Variants in THADA observed in about 807,000 individuals in gnomAD.
The protein encoded by THADA is tRNA (32-2'-O)-methyltransferase regulator THADA.
A neutral mutation model predicts 219.8 loss-of-function variants in THADA; 213 were observed. The observed-to-expected ratio is 0.97, with a 90% CI of 0.87 to 1.09. The LOEUF (loss-of-function observed/expected upper bound fraction) is 1.09. Ranked by LOEUF, THADA falls within the 50% of genes least tolerant of loss-of-function variation. THADA has a pLI of 0.00. For synonymous variants in THADA, 1,018 were observed against 828.9 expected (o/e 1.23, Z -3.92); for missense variants, 2,956 against 2,311.3 (o/e 1.28, Z -5.72).
chr2:43,322,440 G>A (rs1350169520), intron 30 of THADA, among the ~76,000 whole-genome samples: 1 of 151,748 alleles, frequency 6.6e-6, no homozygotes, highest in Non-Finnish European at 1.5e-5. Flanking sequence ...GAAGGCAGAG[G>A]TTGCAGTGAG....
chr2:43,468,477 GA>G (rs1684530231), intron 26 of THADA, among the ~76,000 whole-genome samples: 1 of 152,096 alleles, frequency 6.6e-6, no homozygotes, highest in Non-Finnish European at 1.5e-5. Context: ...GGCCCTAAGA[GA>G]AAGTTCTCCA....
At chr2:43,335,283 G>C (rs1666281627) in intron 30 of THADA, among the ~76,000 whole-genome samples, 1 of 152,208 alleles carries the variant, frequency 6.6e-6, no homozygotes, top group Admixed American at 6.5e-5. Context: ...GATGGAGGCA[G>C]TGTGGTCAAG....
At chr2:43,311,125 G>A (rs1378146917) in intron 31 of THADA, among the ~76,000 whole-genome samples, 2 of 151,818 alleles carry the variant, frequency 1.3e-5, no homozygotes, top group Non-Finnish European at 2.9e-5. Context: ...GCAGTGAACC[G>A]AGATCGTGCC....
intron 19 of THADA, among the ~76,000 whole-genome samples, 157 bp downstream of exon 19, chr2:43,551,632 A>G (rs1696755145): frequency 7.0e-6 from 1 of 142,020 alleles, no homozygotes; most frequent in Non-Finnish European, 1.5e-5. Context: ...AGTTAAAACT[A>G]TTGCTAAAAG....
chr2:43,445,953 T>A (rs1415467409), intron 26 of THADA, among the ~76,000 whole-genome samples: 3 of 152,134 alleles, frequency 2.0e-5, no homozygotes, highest in Non-Finnish European at 4.4e-5. Context: ...AAGTGAAAGG[T>A]CTTGGTCCTG....
intron 22 of THADA, among the ~76,000 whole-genome samples, chr2:43,523,382 T>G (rs1692742854): frequency 6.6e-6 from 1 of 152,132 alleles, no homozygotes; most frequent in African/African-American, 2.4e-5. Flanking sequence ...TAAATTAAAT[T>G]AAAAATAAAG....
rs571185470 is a variant in THADA at position 43,338,210 on chromosome 2, G to T, written c.4343+5912C>A. Among the ~76,000 whole-genome samples the T allele has an allele frequency of 1.4e-4, 21 of 146,448 alleles. 1 individual carries two copies. The East Asian group carries it at 4.0e-3, about 28-fold the overall frequency. ...CTCCCTCTGTTGCCCAGGCTGGAGT[G>T]CAGTGGCACGATCTCGGCTCACTGC... On this transcript the variant is annotated intron_variant, in intron 30 of 37. Transcript: ENST00000405975.
intron 20 of THADA, among the ~76,000 whole-genome samples, chr2:43,545,635 T>C (rs999144512): frequency 6.6e-6 from 1 of 152,256 alleles, no homozygotes; most frequent in African/African-American, 2.4e-5. Context: ...TATCCATTTC[T>C]TCTAGATTTT....
chr2:43,355,593 T>G (rs1668788478), intron 29 of THADA, among the ~76,000 whole-genome samples: 1 of 152,200 alleles, frequency 6.6e-6, no homozygotes, highest in Admixed American at 6.5e-5. Flanking sequence ...ACGTCAAGGT[T>G]TCCCCTGTGT....
chr2:43,284,641 C>T (rs1270598646), intron 35 of THADA, among the ~76,000 whole-genome samples: 1 of 152,192 alleles, frequency 6.6e-6, no homozygotes, highest in Non-Finnish European at 1.5e-5. Flanking sequence ...GGGTTAGAGC[C>T]CTCACACAGA....
At chr2:43,380,697 C>T (rs545602562) in intron 29 of THADA, among the ~76,000 whole-genome samples, 3 of 152,270 alleles carry the variant, frequency 2.0e-5, no homozygotes, top group African/African-American at 4.8e-5. Flanking sequence ...ATCTTGGTTT[C>T]GAATACCATT....
chr2:43,345,250 G>C (rs957804434), intron 29 of THADA, among the ~76,000 whole-genome samples: 7 of 152,162 alleles, frequency 4.6e-5, no homozygotes, highest in East Asian at 1.9e-4. Flanking sequence ...AAATAATTGA[G>C]AGTTAGATAC....
At chr2:43,298,013 C>A (rs1445118156) in intron 31 of THADA, among the ~76,000 whole-genome samples, 5 of 113,560 alleles carry the variant, frequency 4.4e-5, no homozygotes, top group Admixed American at 7.9e-5. Context: ...GGGGGTCAGC[C>A]CCCCGGCCCG....
At chr2:43,371,145 T>C (rs1046110175) in intron 29 of THADA, among the ~76,000 whole-genome samples, 4 of 152,224 alleles carry the variant, frequency 2.6e-5, no homozygotes, top group Non-Finnish European at 5.9e-5. Flanking sequence ...TTTATATTTA[T>C]TCTATTTTTA....
chr2:43,365,059 G>A (rs1212575761), intron 29 of THADA, among the ~76,000 whole-genome samples: 1 of 151,396 alleles, frequency 6.6e-6, no homozygotes, highest in African/African-American at 2.4e-5. Flanking sequence ...CCGAGTAGCT[G>A]GGATTACAGG....
At chr2:43,296,054 G>C (rs1368914470) in intron 31 of THADA, among the ~76,000 whole-genome samples, 2 of 151,804 alleles carry the variant, frequency 1.3e-5, no homozygotes, top group African/African-American at 4.8e-5. Context: ...TGAGTAGCTG[G>C]GATTACAGGA....
intron 31 of THADA, among the ~76,000 whole-genome samples, chr2:43,315,442 C>T (rs1240914278): frequency 6.6e-6 from 1 of 152,084 alleles, no homozygotes; most frequent in Non-Finnish European, 1.5e-5. Context: ...AATGCATCTC[C>T]AGTTACATTC....
chr2:43,574,707 C>T lies in THADA; in HGVS notation c.1358G>A (p.Gly453Glu). Residue 453 changes from glycine (G) to glutamate (E), a missense_variant, in exon 11 of 38, where the codon GGA becomes GAA. Physicochemically the swap from Gly to Glu is moderately conservative, Grantham distance 98. Transcript: ENST00000405975. ...SLLRLEWHIK[G>E]KYTCLGCLVE... The stretch of plus-strand genomic sequence containing the variant: ...CAAACAACCAAGGCACGTGTACTTT[C>T]CTTTAATATGCCATTCCAATCGTAA... 6.2e-7 allele frequency: 1 copy of T among 1,614,038 alleles called. No individual in the cohort carries two copies. Among genetic ancestry groups the T allele is most frequent in the East Asian group, 2.2e-5 (1 of 44,890 alleles).
At chr2:43,312,718 T>A (rs1677648394) in intron 31 of THADA, among the ~76,000 whole-genome samples, 1 of 95,850 alleles carries the variant, frequency 1.0e-5, no homozygotes, top group Non-Finnish European at 2.2e-5. Flanking sequence ...ACAAAGCCTG[T>A]TTTTTTTTTT....
Sources: allele counts gnomAD v4.1 joint callset (sites outside exome capture counted in the v4.1 genomes callset), GRCh38; gene constraint gnomAD v4.1.1; transcripts MANE v1.5; gene names NCBI Gene and HGNC (gene_info 2026-07-23, HGNC 2026-07-21).